Variants in SOX5 observed in about 807,000 individuals in gnomAD.
The protein encoded by SOX5 is transcription factor SOX-5.
A neutral mutation model predicts 92.0 loss-of-function variants in SOX5; 9 were observed. That is an observed-to-expected ratio of 0.10 (90% confidence interval 0.06 to 0.17). The LOEUF is 0.17. Among genes scored for constraint, SOX5 ranks in the 10% least tolerant of loss-of-function variants. The pLI, the probability that SOX5 is intolerant of heterozygous loss-of-function variation, is 1.00. For synonymous variants in SOX5, 344 were observed against 336.3 expected (o/e 1.02, Z -0.25); for missense variants, 642 against 944.5 (o/e 0.68, Z 4.20).
At chr12:24,140,048 T>TA (rs1443447419) in intron 4 of SOX5, among the ~76,000 whole-genome samples, 2 of 152,210 alleles carry the variant, frequency 1.3e-5, no homozygotes, top group Non-Finnish European at 2.9e-5. Context: ...ATTATTTCTT[T>TA]AAATTCTATG....
Position 23,610,627 on chromosome 12 carries a change from A to G in SOX5, c.1018-6094T>C, listed in dbSNP as rs1222580632. Among the ~76,000 whole-genome samples the G allele has an allele frequency of 2.6e-5, 4 of 152,286 alleles. No individual in the cohort carries two copies. In the South Asian group the frequency reaches 6.2e-4, roughly 24 times the overall value. On this transcript the variant is annotated intron_variant, in intron 8 of 14. Coordinates refer to ENST00000451604, the MANE Select transcript of SOX5 (RefSeq NM_006940.6). The stretch of plus-strand genomic sequence containing the variant: ...ACATAAAACAAATTTTTAAAATCCA[A>G]AATGAATTTGGCATGCTTGTACAAT...
chr12:23,777,330 T>C (rs1266721494), intron 3 of SOX5, among the ~76,000 whole-genome samples: 2 of 152,186 alleles, frequency 1.3e-5, no homozygotes, highest in African/African-American at 2.4e-5. Context: ...AGTTATACTG[T>C]GGATACAGGC....
intron 4 of SOX5, among the ~76,000 whole-genome samples, chr12:23,982,989 A>G (rs1237535340): frequency 6.6e-6 from 1 of 152,070 alleles, no homozygotes; most frequent in Non-Finnish European, 1.5e-5. Context: ...GGCCTTCACC[A>G]GCACTTTTCA....
At chr12:24,381,181 C>A (rs1284256257) in intron 1 of SOX5, among the ~76,000 whole-genome samples, 1 of 152,152 alleles carries the variant, frequency 6.6e-6, no homozygotes, top group African/African-American at 2.4e-5. Flanking sequence ...CAAGTTGTGG[C>A]TTTACTCATT....
At chr12:23,969,750 G>C (rs962837243) in intron 4 of SOX5, among the ~76,000 whole-genome samples, 13 of 152,194 alleles carry the variant, frequency 8.5e-5, no homozygotes, top group Admixed American at 3.9e-4. Flanking sequence ...GGTGAAAAGT[G>C]ATAGCTTTAC....
intron 2 of SOX5, among the ~76,000 whole-genome samples, chr12:23,849,823 T>C (rs975386993): frequency 1.3e-5 from 2 of 152,210 alleles, no homozygotes; most frequent in Admixed American, 6.6e-5. Flanking sequence ...ACCAAATATA[T>C]AGATTTATAT....
At chr12:24,309,992 CTAAGTCAAATATTA>C (rs1398402378) in intron 2 of SOX5, among the ~76,000 whole-genome samples, 4 of 152,080 alleles carry the variant, frequency 2.6e-5, no homozygotes, top group African/African-American at 9.7e-5. Flanking sequence ...ATATAAAATA[CTAAGTCAAATATTA>C]TAAGGTAACT....
chr12:23,612,053 T>C (rs563331850), intron 8 of SOX5, among the ~76,000 whole-genome samples: 1 of 152,242 alleles, frequency 6.6e-6, no homozygotes, highest in Admixed American at 6.5e-5. Context: ...TGGAGAGTGA[T>C]AAGAGCATGC....
chr12:23,756,417 C>T (rs889961852), intron 3 of SOX5, among the ~76,000 whole-genome samples: 4 of 151,790 alleles, frequency 2.6e-5, no homozygotes, highest in Non-Finnish European at 5.9e-5. Context: ...CAAGGTGCTG[C>T]TTTAGTCTGG....
intron 3 of SOX5, among the ~76,000 whole-genome samples, chr12:24,252,576 C>T: frequency 6.6e-6 from 1 of 151,646 alleles, no homozygotes; most frequent in Non-Finnish European, 1.5e-5. Flanking sequence ...GTCATGAAAG[C>T]TTCGGGCATC....
intron 2 of SOX5, among the ~76,000 whole-genome samples, chr12:23,849,365 C>T (rs893701205): frequency 3.3e-5 from 5 of 152,098 alleles, no homozygotes; most frequent in Admixed American, 6.6e-5. Context: ...TTAGGCACTG[C>T]GTAAAGTGCT....
chr12:24,443,382 T>A (rs980440016), intron 1 of SOX5, among the ~76,000 whole-genome samples: 1 of 152,218 alleles, frequency 6.6e-6, no homozygotes, highest in Admixed American at 6.5e-5. Flanking sequence ...AGATGCCACA[T>A]GAATTTAGCG....
chr12:24,243,386 A>G (rs1052804391), intron 3 of SOX5, among the ~76,000 whole-genome samples: 6 of 152,164 alleles, frequency 3.9e-5, no homozygotes, highest in Admixed American at 3.3e-4. Flanking sequence ...TAACATTCCA[A>G]TTAGGGTAAT....
chr12:23,538,932 C>T (rs926911722), intron 13 of SOX5, among the ~76,000 whole-genome samples: 2 of 151,258 alleles, frequency 1.3e-5, no homozygotes, highest in African/African-American at 4.9e-5. Context: ...TCCCGAGTAG[C>T]TGGGACTACA....
intron 1 of SOX5, among the ~76,000 whole-genome samples, chr12:23,928,906 G>A (rs796534618): frequency 6.6e-5 from 10 of 151,872 alleles, no homozygotes; most frequent in African/African-American, 2.4e-4. Flanking sequence ...CCACTACTAT[G>A]TTTAAACTGT....
chr12:23,758,705 T>C (rs760140080), intron 3 of SOX5, among the ~76,000 whole-genome samples: 1 of 151,928 alleles, frequency 6.6e-6, no homozygotes, highest in Non-Finnish European at 1.5e-5. Context: ...GTGTTGAAAA[T>C]TTAACCCCTA....
At chr12:24,481,133 G>C in intron 1 of SOX5, among the ~76,000 whole-genome samples, 1 of 152,168 alleles carries the variant, frequency 6.6e-6, no homozygotes, top group East Asian at 1.9e-4. Context: ...AGGTCATTAT[G>C]TTAAGTAAAA....
At chr12:24,455,124 A>C (rs1199442355) in intron 1 of SOX5, among the ~76,000 whole-genome samples, 1 of 152,222 alleles carries the variant, frequency 6.6e-6, no homozygotes, top group African/African-American at 2.4e-5. Context: ...TCATCCATGT[A>C]GCCCCCTTTG....
At chr12:24,140,598 T>G (rs192110657) in intron 4 of SOX5, among the ~76,000 whole-genome samples, 32 of 152,246 alleles carry the variant, frequency 2.1e-4, no homozygotes, top group Admixed American at 1.1e-3. Flanking sequence ...TACAAGGAAG[T>G]CAATGGTTTG....
Sources: allele counts gnomAD v4.1 joint callset (sites outside exome capture counted in the v4.1 genomes callset), GRCh38; gene constraint gnomAD v4.1.1; transcripts MANE v1.5; gene names NCBI Gene and HGNC (gene_info 2026-07-23, HGNC 2026-07-21).